BRAF: variants seen among roughly 807,000 people sequenced by gnomAD.
The protein encoded by BRAF is serine/threonine-protein kinase B-raf.
Under a neutral mutation model 104.6 loss-of-function variants are expected in BRAF, and 16 were observed. The ratio of observed to expected loss-of-function variants is 0.15; its 90% CI spans 0.10 to 0.23. BRAF has a LOEUF of 0.23. Ranked by LOEUF, BRAF falls within the 10% of genes least tolerant of loss-of-function variation. The probability of loss-of-function intolerance (pLI) is 1.00; values close to 1 mark genes in which losing one functional copy is unlikely to be tolerated. For missense variants in BRAF, 541 were observed against 937.3 expected (o/e 0.58, Z 5.52); for synonymous variants, 310 against 341.6 (o/e 0.91, Z 1.02).
intron 1 of BRAF, among the ~76,000 whole-genome samples, chr7:140,921,278 AAATAT>A (rs1163570794): frequency 6.6e-6 from 1 of 152,180 alleles, no homozygotes. Context: ...AAAATCAGGT[AAATAT>A]AAATGGTCAG....
At chr7:140,819,170 T>C (rs1481230281) in intron 3 of BRAF, among the ~76,000 whole-genome samples, 1 of 152,214 alleles carries the variant, frequency 6.6e-6, no homozygotes, top group African/African-American at 2.4e-5. Flanking sequence ...TTGTAATTCT[T>C]CTCGTCTCAG....
chr7:140,846,120 C>T (rs1213302441), intron 2 of BRAF, among the ~76,000 whole-genome samples: 1 of 152,088 alleles, frequency 6.6e-6, no homozygotes, highest in African/African-American at 2.4e-5. Flanking sequence ...AAAAAATAAT[C>T]ATAAAATCAC....
intron 14 of BRAF, among the ~76,000 whole-genome samples, chr7:140,755,137 G>T (rs1171885984): frequency 2.6e-5 from 4 of 152,086 alleles, no homozygotes; most frequent in African/African-American, 9.7e-5. Flanking sequence ...TCTCAAAAGG[G>T]CTGTGTCTTG....
intron 1 of BRAF, among the ~76,000 whole-genome samples, chr7:140,865,577 C>T (rs1484947495): frequency 6.6e-6 from 1 of 152,134 alleles, no homozygotes; most frequent in Non-Finnish European, 1.5e-5. Context: ...GTAATTTTTA[C>T]AGTCATTTCA....
intron 3 of BRAF, among the ~76,000 whole-genome samples, chr7:140,820,055 G>A (rs1254322494): frequency 2.6e-5 from 4 of 151,996 alleles, no homozygotes; most frequent in Admixed American, 6.6e-5. Context: ...TAGAACACAA[G>A]CCATCTTTTG....
Position 140,924,720 on chromosome 7 carries a change from G to C in BRAF, c.-17C>G. 1.1e-6 allele frequency: 1 copy of C among 892,980 alleles called. No individual in the cohort carries two copies. The highest frequency in any genetic ancestry group is 1.7e-6 in the Non-Finnish European group (1 of 584,044). 55.3% of individuals were successfully genotyped at this position (892,980 alleles called of 1,614,324 possible). A position where few individuals can be genotyped will look rare whatever the true frequency, so the allele number is the denominator to read the frequency against. ...CGCCGCCATCTTATAACCGAGAGCCGGGGCCCGAGCGGCCGCTGTCGGGCG... is the reference window on the plus strand; with the variant it reads ...CGCCGCCATCTTATAACCGAGAGCCCGGGCCCGAGCGGCCGCTGTCGGGCG... On this transcript the variant is annotated 5_prime_UTR_variant, in exon 1 of 20. Coordinates refer to ENST00000644969, the MANE Select transcript of BRAF (RefSeq NM_001374258.1). This position sits in a 1 kb window ranked among gnomAD's most constrained non-coding sequence, Gnocchi z 4.2.
At chr7:140,829,343 ATT>A (rs558419776) in intron 3 of BRAF, among the ~76,000 whole-genome samples, 4 of 134,842 alleles carry the variant, frequency 3.0e-5, no homozygotes, top group Admixed American at 7.4e-5. Flanking sequence ...AAAGATTTAC[ATT>A]TTTTTTTTTT....
intron 16 of BRAF, among the ~76,000 whole-genome samples, chr7:140,751,619 T>C (rs1398556567): frequency 6.6e-6 from 1 of 152,084 alleles, no homozygotes; most frequent in Non-Finnish European, 1.5e-5. Context: ...TTAGAGGAGG[T>C]TAAGAAACTT....
intron 1 of BRAF, among the ~76,000 whole-genome samples, chr7:140,861,506 T>G (rs1810411101): frequency 6.6e-6 from 1 of 152,196 alleles, no homozygotes; most frequent in Non-Finnish European, 1.5e-5. Context: ...ATTTTGAATT[T>G]GGACTGTTAG....
intron 14 of BRAF, among the ~76,000 whole-genome samples, chr7:140,760,709 T>TGAAC (rs1798628953): frequency 6.9e-6 from 1 of 144,970 alleles, no homozygotes; most frequent in African/African-American, 2.9e-5. Context: ...CTGATGGGGC[T>TGAAC]GAAAGCCAAG....
chr7:140,857,654 T>C (rs1424768468), intron 1 of BRAF, among the ~76,000 whole-genome samples: 2 of 152,070 alleles, frequency 1.3e-5, no homozygotes, highest in Non-Finnish European at 2.9e-5. Flanking sequence ...AATGACTACA[T>C]TAATGGGGGA....
At chr7:140,857,830 C>T (rs888274653) in intron 1 of BRAF, among the ~76,000 whole-genome samples, 1 of 151,972 alleles carries the variant, frequency 6.6e-6, no homozygotes, top group Non-Finnish European at 1.5e-5. Context: ...CTGTAATTGA[C>T]TATAACAGAT....
chr7:140,829,333 A>G (rs17695341), intron 3 of BRAF, among the ~76,000 whole-genome samples: 8,375 of 149,936 alleles, frequency 0.056, 281 homozygotes, highest in South Asian at 0.11. Context: ...ATTTTTCTTG[A>G]AAGATTTACA....
intron 3 of BRAF, among the ~76,000 whole-genome samples, chr7:140,816,687 T>TA (rs1206598839): frequency 1.3e-5 from 2 of 152,054 alleles, no homozygotes; most frequent in Admixed American, 6.5e-5. Flanking sequence ...CAAAAATACT[T>TA]ACAGTACATT....
At chr7:140,761,716 A>G (rs1798759290) in intron 14 of BRAF, among the ~76,000 whole-genome samples, 1 of 152,124 alleles carries the variant, frequency 6.6e-6, no homozygotes, top group African/African-American at 2.4e-5. Flanking sequence ...AGTGGAAAAC[A>G]AAAAAAGGCA....
chr7:140,836,911 C>T (rs1361186297), intron 2 of BRAF, among the ~76,000 whole-genome samples: 1 of 152,144 alleles, frequency 6.6e-6, no homozygotes, highest in East Asian at 1.9e-4. Context: ...AGTTACTAGA[C>T]AAAATAAACC....
intron 7 of BRAF, chr7:140,799,170 A>C (rs2129042626): frequency 4.7e-6 from 1 of 213,446 alleles, no homozygotes; most frequent in Admixed American, 5.9e-5. Flanking sequence ...ATTATTTTTA[A>C]AGTCACTTCT....
chr7:140,884,141 A>C (rs952100523), intron 1 of BRAF: 6 of 152,212 alleles, frequency 3.9e-5, no homozygotes, highest in Admixed American at 1.3e-4. Context: ...CCCTTGCCTA[A>C]GAATGGCATG....
At chr7:140,859,930 G>T (rs971388684) in intron 1 of BRAF, among the ~76,000 whole-genome samples, 2 of 152,034 alleles carry the variant, frequency 1.3e-5, no homozygotes, top group Non-Finnish European at 2.9e-5. Flanking sequence ...CTCGTGATCC[G>T]TCCGCTTCAG....
Sources: allele counts gnomAD v4.1 joint callset (sites outside exome capture counted in the v4.1 genomes callset), GRCh38; gene constraint gnomAD v4.1.1; non-coding constraint Gnocchi (gnomAD v3.1); transcripts MANE v1.5; gene names NCBI Gene and HGNC (gene_info 2026-07-23, HGNC 2026-07-21).